The following REV1 variants were observed in gnomAD, a reference collection of about 807,000 sequenced individuals.
The protein encoded by REV1 is REV1 DNA directed polymerase, also known as translesion synthesis protein REV1.
In REV1, 42 loss-of-function variants were observed where a neutral mutation model predicts 137.4. The observed-to-expected ratio is 0.31, with a 90% CI of 0.24 to 0.40. The LOEUF (loss-of-function observed/expected upper bound fraction) is 0.40, where lower values mean the gene tolerates loss of function less well. Ranked by LOEUF, REV1 falls within the 10% of genes least tolerant of loss-of-function variation. The pLI is 1.00. For synonymous variants in REV1, 524 were observed against 519.2 expected (o/e 1.01, Z -0.12); for missense variants, 1,282 against 1,490.1 (o/e 0.86, Z 2.30).
intron 19 of REV1, 41 bp downstream of exon 19, chr2:99,403,654 C>T (rs1166920701): frequency 2.5e-6 from 4 of 1,613,598 alleles, no homozygotes; most frequent in Non-Finnish European, 3.4e-6. Context: ...CTCCATTACT[C>T]TTTGTCTTCA....
chr2:99,451,537 A>G, intron 3 of REV1: 1 of 1,258,092 alleles, frequency 7.9e-7, no homozygotes, highest in Non-Finnish European at 1.1e-6. Context: ...ACTATGGAAT[A>G]AGACCGATCT....
chr2:99,460,890 A>G (rs1684109662), intron 3 of REV1, among the ~76,000 whole-genome samples: 1 of 152,214 alleles, frequency 6.6e-6, no homozygotes, highest in Non-Finnish European at 1.5e-5. Flanking sequence ...CAGATTCTCA[A>G]TCAAAAAGTG....
intron 22 of REV1, 54 bp from the exon 23 acceptor site, chr2:99,401,406 C>CT (rs910893428): frequency 9.3e-7 from 1 of 1,072,732 alleles, no homozygotes; most frequent in Non-Finnish European, 1.4e-6. Flanking sequence ...GTCCTTAAGA[C>CT]TAATTATTCC....
intron 2 of REV1, among the ~76,000 whole-genome samples, chr2:99,464,484 A>G (rs1413617653): frequency 2.0e-5 from 3 of 152,250 alleles, no homozygotes; most frequent in South Asian, 2.1e-4. Flanking sequence ...TTTTACAAAC[A>G]TATAATCATA....
At chr2:99,475,059 A>G (rs925569945) in intron 1 of REV1, among the ~76,000 whole-genome samples, 2 of 152,226 alleles carry the variant, frequency 1.3e-5, no homozygotes, top group Non-Finnish European at 2.9e-5. Context: ...CCCCGGTGCC[A>G]TAAAGAAACA....
chr2:99,483,421 C>G (rs993046395), intron 1 of REV1, among the ~76,000 whole-genome samples: 1 of 152,126 alleles, frequency 6.6e-6, no homozygotes, highest in Admixed American at 6.5e-5. Flanking sequence ...CAGTAAGCAA[C>G]ACTTTGCTTA....
chr2:99,462,463 T>A, intron 3 of REV1, 33 bp downstream of exon 3: 3 of 1,570,642 alleles, frequency 1.9e-6, no homozygotes, highest in Non-Finnish European at 2.6e-6. Context: ...TAAAAATACA[T>A]GCCAAAATAG....
chr2:99,477,396 G>C (rs1686100247), intron 1 of REV1, among the ~76,000 whole-genome samples: 1 of 152,154 alleles, frequency 6.6e-6, no homozygotes, highest in Non-Finnish European at 1.5e-5. Context: ...CTATGGAAGG[G>C]CTAAGCACAC....
rs1278773618 is a variant in REV1, at chr2:99,487,665, TTC to T, written c.-11+2150_-11+2151del. Among the ~76,000 whole-genome samples the T allele has an allele frequency of 1.4e-4, 17 of 119,372 alleles. 7 individuals are homozygous for T. The highest frequency in any genetic ancestry group is 4.8e-4 in the South Asian group (2 of 4,198). The allele number at this position is 119,372 out of a possible 152,430, so 78.3% of individuals were successfully genotyped here. A position where few individuals can be genotyped will look rare whatever the true frequency, so the allele number is the denominator to read the frequency against. ...AAAAAAAACTTTTCATTTTTAAATGTTCTGTTTAATATACTCTATGATTAGTA... is the reference window on the plus strand; with the variant it reads ...AAAAAAAACTTTTCATTTTTAAATGTTGTTTAATATACTCTATGATTAGTA... On this transcript the variant is annotated intron_variant, in intron 1 of 22. Transcript: ENST00000258428.
chr2:99,402,107 A>G lies in REV1; in HGVS notation c.3644+137T>C, dbSNP rs1675543467. 5 of 548,436 alleles carry G rather than the reference A, an allele frequency of 9.1e-6. No individual in the cohort carries two copies. In the South Asian group the frequency reaches 9.6e-5, roughly 11 times the overall value. 34.0% of individuals were successfully genotyped at this position (548,436 alleles called of 1,614,324 possible). A position where few individuals can be genotyped will look rare whatever the true frequency, so the allele number is the denominator to read the frequency against. On this transcript the variant is annotated intron_variant, in intron 22 of 22. Coordinates refer to ENST00000258428, the MANE Select transcript of REV1 (RefSeq NM_016316.4). ...GAACCTTATTTGCTACTTAGTCAAC[A>G]TGGCAAAATAAAGGATATCACTTTC...
chr2:99,409,853 A>AACC (rs1676862859), intron 14 of REV1, among the ~76,000 whole-genome samples: 10 of 78,474 alleles, frequency 1.3e-4, no homozygotes, highest in Middle Eastern at 9.6e-3. Context: ...AAAACAAACA[A>AACC]CCCCCCCCCC....
rs150862561 is a variant in REV1 at position 99,472,215 on chromosome 2, T to C, written c.-10-7230A>G. Among the ~76,000 whole-genome samples, 493 of 152,232 alleles carry C rather than the reference T, an allele frequency of 3.2e-3. 2 individuals are homozygous for C. The highest frequency in any genetic ancestry group is 5.2e-3 in the Non-Finnish European group (352 of 68,014). ...GTGGTATATACATACAACGAAATAC[T>C]ATTCAGCCTTAAAAGGAAGGAAATT... On this transcript the variant is annotated intron_variant, in intron 1 of 22. Coordinates refer to ENST00000258428, the MANE Select transcript of REV1 (RefSeq NM_016316.4).
Position 99,400,885 on chromosome 2 carries a change from T to TAAAC in REV1, c.*352_*355dup, listed in dbSNP as rs550164540. On this transcript the variant is annotated 3_prime_UTR_variant, in exon 23 of 23. Transcript: ENST00000258428. ...GAGGTTTTTCAGCCTTTTAGTATAA[T>TAAAC]AAACAGTAGTTGCTTCCTAGAGTTG... The TAAAC allele has an allele frequency of 2.0e-4, 32 of 160,470 alleles. 1 individual carries two copies. The East Asian group carries it at 3.8e-3, about 19-fold the overall frequency. 9.9% of individuals were successfully genotyped at this position (160,470 alleles called of 1,614,324 possible). A position where few individuals can be genotyped will look rare whatever the true frequency, so the allele number is the denominator to read the frequency against.
At chr2:99,402,010 G>C (rs1470471701) in intron 22 of REV1, among the ~76,000 whole-genome samples, 1 of 152,162 alleles carries the variant, frequency 6.6e-6, no homozygotes, top group Non-Finnish European at 1.5e-5. Context: ...AAGTACAGGC[G>C]TGAGCCACTG....
chr2:99,449,300 A>T, intron 4 of REV1, 36 bp downstream of exon 4: 1 of 1,242,808 alleles, frequency 8.0e-7, no homozygotes, highest in Non-Finnish European at 1.1e-6. Context: ...TCTAACTTTA[A>T]AAATTTATTA....
intron 21 of REV1, 113 bp downstream of exon 21, chr2:99,402,531 C>T: frequency 8.9e-7 from 1 of 1,123,680 alleles, no homozygotes; most frequent in Non-Finnish European, 1.3e-6. Context: ...CTGCTTTAAG[C>T]TTATCAGAGT....
intron 1 of REV1, among the ~76,000 whole-genome samples, chr2:99,474,676 C>T (rs1383903262): frequency 3.3e-5 from 5 of 152,094 alleles, no homozygotes; most frequent in African/African-American, 4.8e-5. Context: ...CTGAGGCAGG[C>T]GAATCACATG....
intron 16 of REV1, 56 bp from the exon 17 acceptor site, chr2:99,406,162 A>G (rs1184385904): frequency 2.0e-6 from 3 of 1,473,224 alleles, no homozygotes; most frequent in Non-Finnish European, 2.7e-6. Flanking sequence ...AGGGCCTTTA[A>G]TCCTCTGTCC....
At chr2:99,443,031 G>A (rs1316532678) in intron 4 of REV1, among the ~76,000 whole-genome samples, 1 of 152,154 alleles carries the variant, frequency 6.6e-6, no homozygotes, top group Non-Finnish European at 1.5e-5. Flanking sequence ...TCTAACGCTA[G>A]GTGGTACTAG....
Sources: gnomAD v4.1 joint callset for allele counts (sites outside exome capture counted in the v4.1 genomes callset) on GRCh38, gnomAD v4.1.1 for gene constraint, MANE v1.5 for transcripts, NCBI Gene and HGNC (gene_info 2026-07-23, HGNC 2026-07-21) for gene names.